Variants in PNLDC1 observed in about 807,000 individuals in gnomAD.
The protein encoded by PNLDC1 is PARN like ribonuclease domain containing exonuclease 1, also known as poly(A)-specific ribonuclease PNLDC1.
A neutral mutation model predicts 82.0 loss-of-function variants in PNLDC1; 70 were observed. The ratio of observed to expected loss-of-function variants is 0.85; its 90% CI spans 0.70 to 1.04. The LOEUF (loss-of-function observed/expected upper bound fraction) is 1.04, where lower values mean the gene tolerates loss of function less well. PNLDC1 is among the 50% of genes least tolerant of loss of function. PNLDC1 has a pLI of 0.00. For missense variants in PNLDC1, 631 were observed against 661.1 expected (o/e 0.95, Z 0.50); for synonymous variants, 280 against 249.3 (o/e 1.12, Z -1.16).
upstream of PNLDC1, chr6:159,800,274 A>G (rs1253751552): frequency 1.3e-6 from 2 of 1,523,062 alleles, no homozygotes; most frequent in Non-Finnish European, 1.8e-6. Flanking sequence ...GCAGCACGTG[A>G]TAGCGCTGGG....
intron 12 of PNLDC1, 66 bp from the exon 13 acceptor site, chr6:159,815,903 A>AGG: frequency 2.4e-6 from 3 of 1,239,890 alleles, no homozygotes; most frequent in Non-Finnish European, 3.5e-6. Flanking sequence ...TAAGGGACTG[A>AGG]GGGGGAATAC....
chr6:159,808,630 C>T (rs1191359189), intron 7 of PNLDC1, 110 bp from the exon 8 acceptor site: 7 of 1,025,902 alleles, frequency 6.8e-6, no homozygotes, highest in Non-Finnish European at 1.0e-5. Flanking sequence ...CTTCAAGCTC[C>T]CTTTCCACTT....
In PNLDC1 at chr6:159,819,001, T is replaced by C; in HGVS notation, c.1313T>C (p.Val438Ala). The C allele has an allele frequency of 6.2e-7, 1 of 1,614,022 alleles. No homozygotes were observed. The highest frequency in any genetic ancestry group is 8.5e-7 in the Non-Finnish European group (1 of 1,180,016). The change falls in exon 17 of 19, where the codon GTC (valine) becomes GCC (alanine). Residue 438 changes from valine (V) to alanine (A), a missense_variant. Physicochemically the swap from Val to Ala is moderately conservative, Grantham distance 64. Transcript: ENST00000392167. This position sits in a 1 kb window ranked among gnomAD's most constrained non-coding sequence, Gnocchi z 4.6. Reference sequence around the variant, plus strand: ...CGACCTCCCATCCTCATCCTCAGCGTCAAAAGGTGGCCTGGGGTCAGCGAG... The same window carrying C: ...CGACCTCCCATCCTCATCCTCAGCGCCAAAAGGTGGCCTGGGGTCAGCGAG... ...SIRPPILILS[V>A]KRWPGVSEQQ...
At chr6:159,817,592 T>G (rs1781878684) in intron 15 of PNLDC1, among the ~76,000 whole-genome samples, 1 of 152,222 alleles carries the variant, frequency 6.6e-6, no homozygotes, top group South Asian at 2.1e-4. Context: ...AGGGAGAGAT[T>G]AGTGGAACCC....
chr6:159,814,724 A>G (rs1781758583), intron 12 of PNLDC1, among the ~76,000 whole-genome samples: 1 of 152,160 alleles, frequency 6.6e-6, no homozygotes, highest in African/African-American at 2.4e-5. Context: ...TTTGCCACTC[A>G]CTGGTTCTGT....
chr6:159,801,170 TAC>T lies in PNLDC1; in HGVS notation c.194_195del (p.Thr65SerfsTer13). 1.9e-6 allele frequency: 3 copies of T among 1,614,108 alleles called. No homozygotes were observed. Among genetic ancestry groups the T allele is most frequent in the Non-Finnish European group, 1.7e-6 (2 of 1,179,924 alleles). On this transcript the variant is annotated frameshift_variant, in exon 3 of 19. Transcript: ENST00000392167. LOFTEE classifies it high-confidence loss of function. ...AGACCCGTCAGAGTGTTCAGCAATTTACAGTCTGTCAGATTGGTGAGTTTAAT... is the reference window on the plus strand; with the variant it reads ...AGACCCGTCAGAGTGTTCAGCAATTTAGTCTGTCAGATTGGTGAGTTTAAT... ...LKTRQSVQQFTVCQIGLSVFS... is the reference protein window; with the variant it reads ...LKTRQSVQQFXVCQIGLSVFS...
In PNLDC1 at chr6:159,811,903, T is replaced by G. The variant is rs921136912; in HGVS notation, c.939+117T>G. 345 of 798,144 alleles carry G rather than the reference T, an allele frequency of 4.3e-4. 1 individual carries two copies. Among genetic ancestry groups the G allele is most frequent in the Middle Eastern group, 1.5e-3 (5 of 3,228 alleles). The allele number at this position is 798,144 out of a possible 1,614,324, so 49.4% of individuals were successfully genotyped here. A position where few individuals can be genotyped will look rare whatever the true frequency, so the allele number is the denominator to read the frequency against. On this transcript the variant is annotated intron_variant, in intron 11 of 18. Transcript: ENST00000392167. The stretch of plus-strand genomic sequence containing the variant: ...TTGTTTTTTTTGTTTTGTTTTGTTT[T>G]GTTTTGTTTTGTTTGAGAGGGAGTC...
chr6:159,803,744 G>C (rs535432250), intron 4 of PNLDC1, among the ~76,000 whole-genome samples: 1 of 152,286 alleles, frequency 6.6e-6, no homozygotes, highest in African/African-American at 2.4e-5. Context: ...GCAGCTTGTG[G>C]AGGGGCTGTC....
At chr6:159,809,739 C>T (rs1391113984) in intron 9 of PNLDC1, among the ~76,000 whole-genome samples, 1 of 152,160 alleles carries the variant, frequency 6.6e-6, no homozygotes, top group Admixed American at 6.5e-5. Flanking sequence ...ACTAACTGAC[C>T]TAAGACTCTT....
In PNLDC1 at chr6:159,801,131, G is replaced by A. The variant is rs752836974; in HGVS notation, c.153G>A (p.Ser51=). 1.7e-5 allele frequency: 28 copies of A among 1,614,038 alleles called. No homozygotes were observed. The Admixed American group carries it at 1.8e-4, about 11-fold the overall frequency. ...PQQISLFDLP[S]EWYLKTRQSV... is the part of the protein sequence containing the mutation. Reference sequence around the variant, plus strand: ...TTCACAGTCTTTTTGATTTGCCATCGGAGTGGTATCTAAAGACCCGTCAGA... The same window carrying A: ...TTCACAGTCTTTTTGATTTGCCATCAGAGTGGTATCTAAAGACCCGTCAGA... Residue 51 remains serine (S), a synonymous_variant, in exon 3 of 19, where the codon TCG becomes TCA. Coordinates refer to ENST00000392167, the MANE Select transcript of PNLDC1 (RefSeq NM_001271862.2).
At chr6:159,803,841 C>G in intron 4 of PNLDC1, 124 bp from the exon 5 acceptor site, 1 of 1,091,272 alleles carries the variant, frequency 9.2e-7, no homozygotes, top group Admixed American at 2.6e-5. Flanking sequence ...TGAAACACAG[C>G]AGACACTCGG....
At chr6:159,811,601 T>A (rs1004224403) in intron 10 of PNLDC1, 100 bp from the exon 11 acceptor site, 129 of 859,460 alleles carry the variant, frequency 1.5e-4, no homozygotes, top group Middle Eastern at 6.6e-4. Context: ...TCAGTTTGCT[T>A]TATTAATCAG....
At chr6:159,808,986 G>A in intron 8 of PNLDC1, 29 bp from the exon 9 acceptor site, 1 of 1,608,606 alleles carries the variant, frequency 6.2e-7, no homozygotes, top group Non-Finnish European at 8.5e-7. Context: ...AGTAACCCAG[G>A]ATTCAGGGAA....
Position 159,815,971 on chromosome 6 carries a change from A to G in PNLDC1, c.998A>G (p.Asp333Gly). 2.5e-6 allele frequency: 4 copies of G among 1,612,648 alleles called. No homozygotes were observed. The highest frequency in any genetic ancestry group is 3.4e-6 in the Non-Finnish European group (4 of 1,179,136). Reference sequence around the variant, plus strand: ...ATTCTATTTTTCTTTTCCAATAGTGACTTGAATCCCACCAAGAATTCTGGA... The same window carrying G: ...ATTCTATTTTTCTTTTCCAATAGTGGCTTGAATCCCACCAAGAATTCTGGA... ...LSEVYEVLNS[D>G]LNPTKNSGPE... is the part of the protein sequence containing the mutation. The change falls in exon 13 of 19, where the codon GAC becomes GGC. Residue 333 changes from aspartate to glycine, a missense_variant and splice_region_variant. Transcript: ENST00000392167.
intron 3 of PNLDC1, among the ~76,000 whole-genome samples, chr6:159,802,960 A>G (rs1370823743): frequency 2.0e-5 from 3 of 152,024 alleles, no homozygotes; most frequent in Admixed American, 2.0e-4. Context: ...TGAGTTAAAT[A>G]TATAAATCTT....
In PNLDC1 at chr6:159,819,458, T is replaced by C. The variant is rs910819343; in HGVS notation, c.1532+106T>C. 6 of 992,680 alleles carry C rather than the reference T, an allele frequency of 6.0e-6. No homozygotes were observed. In the African/African-American group the frequency reaches 8.0e-5, roughly 13 times the overall value. 61.5% of individuals were successfully genotyped at this position (992,680 alleles called of 1,614,324 possible). On this transcript the variant is annotated intron_variant, in intron 18 of 18. Coordinates refer to ENST00000392167, the MANE Select transcript of PNLDC1 (RefSeq NM_001271862.2). The surrounding 1 kb of genome is among the most constrained non-coding windows in gnomAD (Gnocchi z 4.6). ...CGAGCACAGCTCACTTGCTGGTGTG[T>C]GTTGCCAAGGGGGTTGTGTTGACGA...
chr6:159,808,554 G>T (rs1781533166), intron 7 of PNLDC1, among the ~76,000 whole-genome samples, 186 bp from the exon 8 acceptor site: 1 of 142,634 alleles, frequency 7.0e-6, no homozygotes, highest in Non-Finnish European at 1.5e-5. Context: ...AAAACTCTTA[G>T]AATGCTGCCC....
At chr6:159,813,174 G>C (rs1490191566) in intron 11 of PNLDC1, among the ~76,000 whole-genome samples, 5 of 152,180 alleles carry the variant, frequency 3.3e-5, no homozygotes, top group African/African-American at 1.2e-4. Context: ...CCCAGAGGCT[G>C]TTATTATTTG....
At chr6:159,816,066 G>T in intron 13 of PNLDC1, 33 bp downstream of exon 13, 1 of 1,462,240 alleles carries the variant, frequency 6.8e-7, no homozygotes, top group African/African-American at 1.7e-5. Context: ...TCCTTGCACA[G>T]TCGGCAGAGT....
Sources: gnomAD v4.1 joint callset for allele counts (sites outside exome capture counted in the v4.1 genomes callset) on GRCh38, gnomAD v4.1.1 for gene constraint, Gnocchi (gnomAD v3.1) non-coding constraint, MANE v1.5 for transcripts, NCBI Gene and HGNC (gene_info 2026-07-23, HGNC 2026-07-21) for gene names.